The following TMEM101 variants were observed in gnomAD, a reference collection of about 807,000 sequenced individuals.
TMEM101 encodes the protein transmembrane protein 101, also known as putative NF-kappa-B-activating protein 130.
A neutral mutation model predicts 26.0 loss-of-function variants in TMEM101; 14 were observed. The observed-to-expected ratio is 0.54, with a 90% CI of 0.36 to 0.84. The LOEUF is 0.84. TMEM101 is among the 40% of genes least tolerant of loss of function. TMEM101 has a pLI of 0.01. For synonymous variants in TMEM101, 152 were observed against 145.1 expected, an observed-to-expected ratio of 1.05 and a Z score of -0.34; for missense variants, 292 against 345.1, an observed-to-expected ratio of 0.85 and a Z score of 1.22.
chr17:44,014,295 G>A, intron 2 of TMEM101, 62 bp downstream of exon 2: 3 of 1,513,552 alleles, frequency 2.0e-6, no homozygotes, highest in Admixed American at 2.0e-5. Context: ...AACAGCCCTG[G>A]GCATTGGCCT....
At chr17:44,016,055 C>T (rs2049227000), upstream of TMEM101, among the ~76,000 whole-genome samples, 1 of 152,046 alleles carries the variant, frequency 6.6e-6, no homozygotes, top group Non-Finnish European at 1.5e-5. Context: ...GTTCTCATAA[C>T]ATCAGCTACC....
At position 44,013,099 on chromosome 17, in the gene TMEM101, G is replaced by A. The variant is rs758413754; in HGVS notation, c.375C>T (p.Ser125=). ...AIIGGFLVLA[S]GAGELYRRKP... is the part of the protein sequence containing the mutation. ...TCCGGCGGTACAGCTCCCCAGCACCGCTGGCCAACACAAGAAAGCCGCCGA... is the reference window on the plus strand; with the variant it reads ...TCCGGCGGTACAGCTCCCCAGCACCACTGGCCAACACAAGAAAGCCGCCGA... The change falls in exon 3 of 4, where the codon AGC becomes AGT. Residue 125 remains serine (S), a synonymous_variant. Coordinates refer to ENST00000206380, the MANE Select transcript of TMEM101 (RefSeq NM_032376.4). 1.3e-5 allele frequency: 21 copies of A among 1,608,758 alleles called. No individual in the cohort carries two copies. The highest frequency in any genetic ancestry group is 1.1e-4 in the East Asian group (5 of 44,756).
chr17:44,013,216 C>T (rs1261818161), intron 2 of TMEM101, 61 bp from the exon 3 acceptor site: 1 of 1,450,006 alleles, frequency 6.9e-7, no homozygotes, highest in Non-Finnish European at 9.2e-7. Context: ...TCCTGGCTTC[C>T]CAGAGTGTAG....
At chr17:44,015,402 TTTTG>T (rs2049220077), upstream of TMEM101, among the ~76,000 whole-genome samples, 3 of 151,998 alleles carry the variant, frequency 2.0e-5, no homozygotes, top group Admixed American at 1.3e-4. Flanking sequence ...TTTTGTTTTG[TTTTG>T]TTTTTGAGAC....
In TMEM101 at chr17:44,012,014, G is replaced by T; in HGVS notation, c.688C>A (p.Arg230Ser). Residue 230 changes from arginine to serine, a missense_variant, in exon 4 of 4, where the codon CGT becomes AGT. By Grantham distance (110) the Arg-to-Ser change is moderately radical (BLOSUM62 -1). Transcript: ENST00000206380. ...TTCATCTGGTTCCAGAACTCAACAC[G>T]CCGCGTGTTGTGCCAGTAAGCAACA... Reference protein sequence around the residue: ...GNVAYWHNTRRVEFWNQMKLL... With the variant: ...GNVAYWHNTRSVEFWNQMKLL... The T allele has an allele frequency of 6.2e-7, 1 of 1,614,116 alleles. No individual in the cohort carries two copies. The highest frequency in any genetic ancestry group is 8.5e-7 in the Non-Finnish European group (1 of 1,180,028).
chr17:44,015,418 G>C (rs952619392), upstream of TMEM101, among the ~76,000 whole-genome samples: 6 of 151,660 alleles, frequency 4.0e-5, no homozygotes, highest in African/African-American at 1.5e-4. Flanking sequence ...TTTTGAGACG[G>C]AGTCTCACTC....
rs2049168258 is a variant in TMEM101 at position 44,012,155 on chromosome 17, A to G, written c.547T>C (p.Phe183Leu). 2 of 1,614,110 alleles carry G rather than the reference A, an allele frequency of 1.2e-6. No homozygotes were observed. Among genetic ancestry groups the G allele is most frequent in the African/African-American group, 1.3e-5 (1 of 74,930 alleles). ...LPGGELMIQLFFVLYGILALA... is the reference protein window; with the variant it reads ...LPGGELMIQLLFVLYGILALA... Reference sequence around the variant, plus strand: ...GCCAGGATGCCATACAGCACGAAGAACAGCTGGATCATCAGCTCCCCTCCT... The same window carrying G: ...GCCAGGATGCCATACAGCACGAAGAGCAGCTGGATCATCAGCTCCCCTCCT... Residue 183 changes from phenylalanine (F) to leucine (L), a missense_variant, in exon 4 of 4, where the codon TTC becomes CTC. Phe to Leu is a conservative substitution (Grantham distance 22). This residue lies in a region of TMEM101 where 149 missense variants were observed against 211.9 expected (regional missense o/e 0.70). Transcript: ENST00000206380.
At chr17:44,018,968 AG>A (rs1177737402), upstream of TMEM101, among the ~76,000 whole-genome samples, 1 of 152,100 alleles carries the variant, frequency 6.6e-6, no homozygotes, top group African/African-American at 2.4e-5. Context: ...AGGCCAGAAG[AG>A]GGGGATGGGT....
intron 3 of TMEM101, 125 bp downstream of exon 3, chr17:44,012,884 G>T (rs2144007646): frequency 1.8e-6 from 2 of 1,112,466 alleles, no homozygotes; most frequent in Non-Finnish European, 1.2e-6. Context: ...AATTCCCAGG[G>T]AACTGGGCCA....
In TMEM101 at chr17:44,012,116, A is replaced by C. The variant is rs1243314116; in HGVS notation, c.586T>G (p.Ser196Ala). The C allele has an allele frequency of 6.2e-7, 1 of 1,614,244 alleles. No individual in the cohort carries two copies. Reference sequence around the variant, plus strand: ...GCAGCGAGGGTCACGTAGTAGCCTGACAGAAAGGCCAGGGCCAGGATGCCA... The same window carrying C: ...GCAGCGAGGGTCACGTAGTAGCCTGCCAGAAAGGCCAGGGCCAGGATGCCA... ...LYGILALAFL[S>A]GYYVTLAAQI... The change falls in exon 4 of 4, where the codon TCA becomes GCA. Residue 196 changes from serine to alanine, a missense_variant. Physicochemically the swap from Ser to Ala is moderately conservative, Grantham distance 99. This residue lies in a region of TMEM101 where 149 missense variants were observed against 211.9 expected (regional missense o/e 0.70). Transcript: ENST00000206380.
upstream of TMEM101, chr17:44,015,002 C>T: frequency 6.4e-7 from 1 of 1,553,956 alleles, no homozygotes; most frequent in Non-Finnish European, 8.7e-7. Context: ...GAGAAGCAGG[C>T]GCGGGGATGG....
At chr17:44,022,120 C>T (rs228787) in intron 1 of TMEM101, among the ~76,000 whole-genome samples, 110,282 of 152,118 alleles carry the variant, frequency 0.72, 41,982 homozygotes, top group East Asian at 0.93. Flanking sequence ...GGGAATATGA[C>T]GTTTCCAGAA....
In TMEM101 at chr17:44,011,808, A is replaced by G. The variant is rs2049160784; in HGVS notation, c.*120T>C. ...TAACTGCAAAAAACAATTTTAAAAAAGCAAAAGATCAAACAAACAGACCAA... is the reference window on the plus strand; with the variant it reads ...TAACTGCAAAAAACAATTTTAAAAAGGCAAAAGATCAAACAAACAGACCAA... On this transcript the variant is annotated 3_prime_UTR_variant, in exon 4 of 4. Coordinates refer to ENST00000206380, the MANE Select transcript of TMEM101 (RefSeq NM_032376.4). The G allele has an allele frequency of 8.5e-7, 1 of 1,182,052 alleles. No individual in the cohort carries two copies. The highest frequency in any genetic ancestry group is 2.6e-5 in the Admixed American group (1 of 38,082). The allele number at this position is 1,182,052 out of a possible 1,614,324, so 73.2% of individuals were successfully genotyped here. A position where few individuals can be genotyped will look rare whatever the true frequency, so the allele number is the denominator to read the frequency against.
At chr17:44,016,157 C>A, upstream of TMEM101, among the ~76,000 whole-genome samples, 1 of 151,664 alleles carries the variant, frequency 6.6e-6, no homozygotes, top group East Asian at 1.9e-4. Context: ...ATATATATAT[C>A]TGCTTTACAT....
intron 3 of TMEM101, chr17:44,012,748 C>T (rs1449877132): frequency 2.3e-6 from 1 of 431,000 alleles, no homozygotes; most frequent in East Asian, 3.3e-5. Flanking sequence ...AGAATCACCC[C>T]ATCTTGTTCT....
chr17:44,023,009 G>T, intron 1 of TMEM101: 1 of 243,536 alleles, frequency 4.1e-6, no homozygotes, highest in Non-Finnish European at 8.2e-6. Flanking sequence ...AAGGGGAGAA[G>T]GGAAAAGAGA....
intron 2 of TMEM101, among the ~76,000 whole-genome samples, chr17:44,021,038 T>G (rs551215782): frequency 6.6e-6 from 1 of 152,240 alleles, no homozygotes. Flanking sequence ...CTTCATATTC[T>G]GCTCCAATAG....
chr17:44,017,491 G>A (rs1238666331), upstream of TMEM101, among the ~76,000 whole-genome samples: 3 of 151,630 alleles, frequency 2.0e-5, no homozygotes, highest in Non-Finnish European at 4.4e-5. Flanking sequence ...CTACTCGGGA[G>A]GCTGAGGCAG....
chr17:44,017,593 CA>C (rs1242207636), upstream of TMEM101, among the ~76,000 whole-genome samples: 57 of 75,154 alleles, frequency 7.6e-4, no homozygotes, highest in Middle Eastern at 7.1e-3. Flanking sequence ...GACAACATCT[CA>C]AAAAAAAAAA....
Sources: gnomAD v4.1 joint callset for allele counts (sites outside exome capture counted in the v4.1 genomes callset) on GRCh38, gnomAD v4.1.1 for gene constraint, gnomAD v4.1.1 regional missense constraint, MANE v1.5 for transcripts, NCBI Gene and HGNC (gene_info 2026-07-23, HGNC 2026-07-21) for gene names.